RNF38: variants seen among roughly 807,000 people sequenced by gnomAD.
RNF38 encodes ring finger protein 38.
Under a neutral mutation model 67.2 loss-of-function variants are expected in RNF38, and 15 were observed. The ratio of observed to expected loss-of-function variants is 0.22; its 90% CI spans 0.15 to 0.34. The LOEUF (loss-of-function observed/expected upper bound fraction) is 0.34. RNF38 is among the 10% of genes least tolerant of loss of function. The pLI, the probability that RNF38 is intolerant of heterozygous loss-of-function variation, is 1.00. For missense variants in RNF38, 524 were observed against 639.9 expected, an observed-to-expected ratio of 0.82 and a Z score of 1.95; for synonymous variants, 220 against 218.8, an observed-to-expected ratio of 1.01 and a Z score of -0.05.
rs371966133 is a variant in RNF38, at chr9:36,485,523, TCA to T, written n.241+1783_241+1784del. Among the ~76,000 whole-genome samples the T allele has an allele frequency of 7.4e-4, 112 of 152,342 alleles. 2 individuals are homozygous for T. In the South Asian group the frequency reaches 0.022, roughly 30 times the overall value. ...AACCTGATCGGTGTGAAATGTCATC[TCA>T]GTGTTGTTTCAATTTGCATTTCCCT... On this transcript the variant is annotated intron_variant and non_coding_transcript_variant, in intron 1 of 3. Coordinates refer to the RNF38 transcript ENST00000488058.
chr9:36,390,939 G>GA (rs1408677453), intron 1 of RNF38, among the ~76,000 whole-genome samples: 2 of 152,172 alleles, frequency 1.3e-5, no homozygotes, highest in African/African-American at 4.8e-5. Flanking sequence ...TTCATGCTAA[G>GA]AAAACCCAAG....
At chr9:36,448,779 G>A (rs1473327640) in intron 1 of RNF38, among the ~76,000 whole-genome samples, 1 of 151,902 alleles carries the variant, frequency 6.6e-6, no homozygotes, top group Admixed American at 6.6e-5. Context: ...AGAGGCGGGC[G>A]GACTGCCTGA....
intron 1 of RNF38, among the ~76,000 whole-genome samples, chr9:36,471,164 TCA>T (rs1302147635): frequency 1.3e-5 from 2 of 152,126 alleles, no homozygotes; most frequent in African/African-American, 4.8e-5. Flanking sequence ...CATAGCCCCC[TCA>T]GTTTCCCAGA....
At chr9:36,483,155 G>A (rs1292212845) in intron 1 of RNF38, among the ~76,000 whole-genome samples, 2 of 152,158 alleles carry the variant, frequency 1.3e-5, no homozygotes, top group Non-Finnish European at 2.9e-5. Context: ...GGAAGGCCGA[G>A]GCAGGCTGAT....
chr9:36,484,015 A>G (rs1840340724), intron 1 of RNF38, among the ~76,000 whole-genome samples: 1 of 152,190 alleles, frequency 6.6e-6, no homozygotes, highest in Non-Finnish European at 1.5e-5. Context: ...TCAAAATTCC[A>G]TCCCAGTCAT....
upstream of RNF38, among the ~76,000 whole-genome samples, chr9:36,405,580 A>C (rs1199584035): frequency 6.6e-6 from 1 of 152,186 alleles, no homozygotes; most frequent in African/African-American, 2.4e-5. Context: ...CTTGCTTTCT[A>C]TTCTCTAGAA....
chr9:36,420,314 C>A (rs1019083906), intron 2 of RNF38, among the ~76,000 whole-genome samples: 13 of 151,860 alleles, frequency 8.6e-5, no homozygotes, highest in African/African-American at 3.1e-4. Context: ...GGGTGGGTCA[C>A]GAGGTCAGGA....
At chr9:36,451,895 C>T (rs764559495) in intron 1 of RNF38, among the ~76,000 whole-genome samples, 5 of 151,932 alleles carry the variant, frequency 3.3e-5, no homozygotes, top group Non-Finnish European at 7.4e-5. Flanking sequence ...TGATGTGGAT[C>T]CTAATTCGAG....
At chr9:36,428,124 T>TA (rs1433272835) in intron 1 of RNF38, among the ~76,000 whole-genome samples, 1 of 151,514 alleles carries the variant, frequency 6.6e-6, no homozygotes, top group East Asian at 1.9e-4. Flanking sequence ...TATACTACAA[T>TA]AAAAAAATGA....
chr9:36,392,729 T>C (rs1225184169), intron 1 of RNF38, among the ~76,000 whole-genome samples: 4 of 152,172 alleles, frequency 2.6e-5, no homozygotes, highest in Admixed American at 6.6e-5. Flanking sequence ...TGCAATACTA[T>C]ACTCCAGCCT....
At position 36,344,965 on chromosome 9, in the gene RNF38, A is replaced by C. The variant is rs755452100; in HGVS notation, c.1264-12T>G. ...AGGTTTAACAGGGCCTGCAGCGGTA[A>C]AAGACGACATATTTTCATCTATCTT... On this transcript the variant is annotated splice_polypyrimidine_tract_variant and intron_variant, in intron 9 of 11. Coordinates refer to ENST00000259605, the MANE Select transcript of RNF38 (RefSeq NM_022781.5). 3.1e-6 allele frequency: 5 copies of C among 1,598,414 alleles called. No individual in the cohort carries two copies. Among genetic ancestry groups the C allele is most frequent in the Non-Finnish European group, 4.3e-6 (5 of 1,172,650 alleles).
rs386414907 is a variant in RNF38 at position 36,416,742 on chromosome 9, ATTTTTTTTTTTT to A, written n.312+7859_312+7870del. Among the ~76,000 whole-genome samples, 140 of 63,506 alleles carry A rather than the reference ATTTTTTTTTTTT, an allele frequency of 2.2e-3. 1 individual carries two copies. Among genetic ancestry groups the A allele is most frequent in the Admixed American group, 0.02 (85 of 4,280 alleles). The allele number at this position is 63,506 out of a possible 152,430, so 41.7% of individuals were successfully genotyped here. Reference sequence around the variant, plus strand: ...GGCTCCTTCTTGCTGCTGCCTCGATATTTTTTTTTTTTTTTTTTTTTTTTTTTTGAGACAGAG... The same window carrying A: ...GGCTCCTTCTTGCTGCTGCCTCGATATTTTTTTTTTTTTTTTGAGACAGAG... On this transcript the variant is annotated intron_variant and non_coding_transcript_variant, in intron 2 of 3. Coordinates refer to the RNF38 transcript ENST00000488058.
intron 1 of RNF38, among the ~76,000 whole-genome samples, chr9:36,397,509 A>G (rs1837631791): frequency 6.6e-6 from 1 of 152,320 alleles, no homozygotes; most frequent in Non-Finnish European, 1.5e-5. Context: ...CCAGCACCGG[A>G]CAATCATTTC....
intron 2 of RNF38, among the ~76,000 whole-genome samples, chr9:36,388,095 A>G (rs149407792): frequency 1.3e-5 from 2 of 152,316 alleles, no homozygotes; most frequent in East Asian, 1.9e-4. Flanking sequence ...AAACAGTATA[A>G]TATCAAGGGA....
At chr9:36,469,048 C>T (rs1466672224) in intron 1 of RNF38, among the ~76,000 whole-genome samples, 2 of 151,830 alleles carry the variant, frequency 1.3e-5, no homozygotes, top group African/African-American at 4.8e-5. Context: ...GGAGGCGGAG[C>T]TTGCAGTGAG....
At chr9:36,454,646 A>T (rs1349046083) in intron 1 of RNF38, among the ~76,000 whole-genome samples, 1 of 144,410 alleles carries the variant, frequency 6.9e-6, no homozygotes, top group Non-Finnish European at 1.5e-5. Context: ...GCAGTGGCAC[A>T]ATCTCGGCTC....
Position 36,360,135 on chromosome 9 carries a change from AC to A in RNF38, c.571-2194del, listed in dbSNP as rs537221127. On this transcript the variant is annotated intron_variant, in intron 4 of 11. Transcript: ENST00000259605. The stretch of plus-strand genomic sequence containing the variant: ...CAAGAAGAAATTAAGTCTTCCTTCA[AC>A]CCCATAAGACAGGATTGAAAAAAAA... 3.2e-3 allele frequency among the ~76,000 whole-genome samples: 474 copies of A among 147,438 alleles called. 3 individuals carry two copies. The highest frequency in any genetic ancestry group is 0.011 in the African/African-American group (440 of 39,738).
Position 36,357,787 on chromosome 9 carries a change from A to C in RNF38, c.726T>G (p.Ser242Arg). 8 of 1,613,580 alleles carry C rather than the reference A, an allele frequency of 5.0e-6. No individual in the cohort carries two copies. Among genetic ancestry groups the C allele is most frequent in the Non-Finnish European group, 6.8e-6 (8 of 1,179,684 alleles). ...VFSGQHLPVC[S>R]VPPPMLQACS... ...GATAGAGACTTACTGGAGGAGGCACACTACAGACAGGGAGGTGCTGTCCAC... is the reference window on the plus strand; with the variant it reads ...GATAGAGACTTACTGGAGGAGGCACCCTACAGACAGGGAGGTGCTGTCCAC... Residue 242 changes from serine (S) to arginine (R), a missense_variant, in exon 5 of 12, where the codon AGT (serine) becomes AGG (arginine). By Grantham distance (110) the Ser-to-Arg change is moderately radical. Transcript: ENST00000259605.
At chr9:36,341,286 A>G (rs1014344395) in intron 11 of RNF38, among the ~76,000 whole-genome samples, 4 of 152,100 alleles carry the variant, frequency 2.6e-5, no homozygotes, top group African/African-American at 9.7e-5. Flanking sequence ...TTTCCTTTTA[A>G]AATAATTTAA....
Sources: allele counts gnomAD v4.1 joint callset (sites outside exome capture counted in the v4.1 genomes callset), GRCh38; gene constraint gnomAD v4.1.1; transcripts MANE v1.5; gene names NCBI Gene and HGNC (gene_info 2026-07-23, HGNC 2026-07-21).